Variants in SGCZ observed in about 807,000 individuals in gnomAD.
The protein encoded by SGCZ is sarcoglycan zeta, also known as zeta-sarcoglycan.
SGCZ carries 40 observed loss-of-function variants against 41.3 expected under a neutral mutation model. The ratio of observed to expected loss-of-function variants is 0.97; its 90% confidence interval spans 0.75 to 1.26. The LOEUF (loss-of-function observed/expected upper bound fraction) is 1.26. SGCZ is among the 50% of genes most tolerant of loss of function. SGCZ has a pLI of 0.00. For synonymous variants in SGCZ, 206 were observed against 137.5 expected (o/e 1.50, Z -3.49); for missense variants, 552 against 369.8 (o/e 1.49, Z -4.04).
chr8:14,521,113 G>A (rs1398128305), intron 2 of SGCZ, among the ~76,000 whole-genome samples: 1 of 152,042 alleles, frequency 6.6e-6, no homozygotes, highest in Non-Finnish European at 1.5e-5. Flanking sequence ...AGAAAACACA[G>A]CCAGGATACT....
intron 1 of SGCZ, among the ~76,000 whole-genome samples, chr8:14,653,317 T>G (rs1807462538): frequency 6.6e-6 from 1 of 152,114 alleles, no homozygotes; most frequent in Admixed American, 6.6e-5. Context: ...AGAAACACAG[T>G]GGTCTTGTGT....
At chr8:14,964,564 A>C (rs1801069392) in intron 1 of SGCZ, among the ~76,000 whole-genome samples, 1 of 152,210 alleles carries the variant, frequency 6.6e-6, no homozygotes, top group Admixed American at 6.5e-5. Context: ...AGAAAGCAGG[A>C]TGGGGTAGAG....
At chr8:14,330,011 T>C (rs1048467294) in intron 2 of SGCZ, among the ~76,000 whole-genome samples, 3 of 152,174 alleles carry the variant, frequency 2.0e-5, no homozygotes, top group South Asian at 2.1e-4. Context: ...GCCATTTCCT[T>C]TTAATGCTCT....
At chr8:14,362,745 T>C (rs1803571328) in intron 2 of SGCZ, among the ~76,000 whole-genome samples, 1 of 152,130 alleles carries the variant, frequency 6.6e-6, no homozygotes, top group Admixed American at 6.5e-5. Flanking sequence ...GTGCCTGAGA[T>C]GAAAATGCAG....
intron 1 of SGCZ, among the ~76,000 whole-genome samples, chr8:15,072,411 G>A (rs543227739): frequency 2.6e-5 from 4 of 152,220 alleles, no homozygotes; most frequent in Middle Eastern, 6.8e-3. Context: ...GATTTCTTTG[G>A]AACTCCAAAT....
At chr8:14,266,252 G>A (rs1247171486) in intron 3 of SGCZ, among the ~76,000 whole-genome samples, 1 of 151,950 alleles carries the variant, frequency 6.6e-6, no homozygotes, top group African/African-American at 2.4e-5. Flanking sequence ...ATTACTATGG[G>A]GCAGGGATGA....
At chr8:14,813,525 C>T (rs1051758714) in intron 1 of SGCZ, among the ~76,000 whole-genome samples, 1 of 152,138 alleles carries the variant, frequency 6.6e-6, no homozygotes, top group African/African-American at 2.4e-5. Flanking sequence ...TCAAATAAGA[C>T]TAACAGGGAA....
chr8:14,789,039 C>T (rs1800865800), intron 1 of SGCZ, among the ~76,000 whole-genome samples: 1 of 152,082 alleles, frequency 6.6e-6, no homozygotes, highest in Admixed American at 6.6e-5. Context: ...TTTTTGGACT[C>T]GTTAACATTG....
At chr8:15,119,437 G>T (rs950512726) in intron 1 of SGCZ, among the ~76,000 whole-genome samples, 1 of 151,794 alleles carries the variant, frequency 6.6e-6, no homozygotes, top group African/African-American at 2.4e-5. Context: ...AGCTGAAGTG[G>T]GAGGATCACT....
At position 14,279,445 on chromosome 8, in the gene SGCZ, A is replaced by G. The variant is rs73521392; in HGVS notation, c.337-41766T>C. On this transcript the variant is annotated intron_variant, in intron 3 of 7. Coordinates refer to ENST00000382080, the MANE Select transcript of SGCZ (RefSeq NM_139167.4). ...GAGGACACTACCTTTTTTTCCCTAG[A>G]TTACACATTTTTTTTCAACTTCTAA... Among the ~76,000 whole-genome samples, 944 of 152,000 alleles carry G rather than the reference A, an allele frequency of 6.2e-3. 9 individuals are homozygous for G. Among genetic ancestry groups the G allele is most frequent in the African/African-American group, 0.022 (904 of 41,534 alleles).
At chr8:14,561,906 A>T (rs1804217953) in intron 1 of SGCZ, among the ~76,000 whole-genome samples, 1 of 152,098 alleles carries the variant, frequency 6.6e-6, no homozygotes, top group African/African-American at 2.4e-5. Context: ...ATTTTTGGAC[A>T]TTTTTCTCCC....
At chr8:14,535,712 A>C (rs1803274199) in intron 2 of SGCZ, among the ~76,000 whole-genome samples, 1 of 151,890 alleles carries the variant, frequency 6.6e-6, no homozygotes, top group South Asian at 2.1e-4. Context: ...AAGATTTCAC[A>C]CAATTTTATT....
At chr8:14,721,186 T>C (rs1054147432) in intron 1 of SGCZ, among the ~76,000 whole-genome samples, 1 of 152,178 alleles carries the variant, frequency 6.6e-6, no homozygotes, top group African/African-American at 2.4e-5. Flanking sequence ...GAACCTCTTC[T>C]TTGTTACTAA....
intron 2 of SGCZ, among the ~76,000 whole-genome samples, chr8:14,525,003 C>G (rs1802896261): frequency 6.6e-6 from 1 of 151,906 alleles, no homozygotes; most frequent in African/African-American, 2.4e-5. Flanking sequence ...ACTATTCTGA[C>G]TAGAGGTTTT....
At chr8:14,567,439 G>A (rs1804406686) in intron 1 of SGCZ, among the ~76,000 whole-genome samples, 1 of 152,174 alleles carries the variant, frequency 6.6e-6, no homozygotes, top group Non-Finnish European at 1.5e-5. Context: ...TGGGGACATG[G>A]AGAACTTTTG....
At chr8:14,591,950 A>T (rs907178033) in intron 1 of SGCZ, among the ~76,000 whole-genome samples, 1 of 152,128 alleles carries the variant, frequency 6.6e-6, no homozygotes, top group African/African-American at 2.4e-5. Context: ...TGAGGTACAC[A>T]ATTTTCTTCC....
intron 1 of SGCZ, among the ~76,000 whole-genome samples, chr8:14,947,603 C>T (rs139743695): frequency 9.6e-4 from 146 of 152,236 alleles, no homozygotes; most frequent in African/African-American, 3.4e-3. Context: ...TTAGTAAAGG[C>T]GTAGTGCCCC....
intron 1 of SGCZ, among the ~76,000 whole-genome samples, chr8:15,108,779 G>C (rs182841432): frequency 6.6e-6 from 1 of 152,236 alleles, no homozygotes; most frequent in East Asian, 1.9e-4. Flanking sequence ...CTACTAACAT[G>C]AATACGTCTA....
At chr8:14,597,140 C>A (rs1000748956) in intron 1 of SGCZ, among the ~76,000 whole-genome samples, 2 of 152,108 alleles carry the variant, frequency 1.3e-5, no homozygotes, top group African/African-American at 4.8e-5. Flanking sequence ...TGTTAGAATA[C>A]GTTAAAATAT....
Sources: allele counts gnomAD v4.1 joint callset (sites outside exome capture counted in the v4.1 genomes callset), GRCh38; gene constraint gnomAD v4.1.1; transcripts MANE v1.5; gene names NCBI Gene and HGNC (gene_info 2026-07-23, HGNC 2026-07-21).